The following HDAC9 variants were observed in gnomAD, a reference collection of about 807,000 sequenced individuals.
HDAC9 encodes histone deacetylase 9, also known as MEF-2 interacting transcription repressor (MITR) protein.
Under a neutral mutation model 139.4 loss-of-function variants are expected in HDAC9, and 41 were observed. That is an observed-to-expected ratio of 0.29 (90% CI 0.23 to 0.38). HDAC9 has a LOEUF of 0.38. Among genes scored for constraint, HDAC9 ranks in the 10% least tolerant of loss-of-function variants. The probability of loss-of-function intolerance (pLI) is 1.00; values close to 1 mark genes in which losing one functional copy is unlikely to be tolerated. For missense variants in HDAC9, 1,147 were observed against 1,297.0 expected, an observed-to-expected ratio of 0.88 and a Z score of 1.78; for synonymous variants, 517 against 476.2, an observed-to-expected ratio of 1.09 and a Z score of -1.12.
rs566346764 is a variant in HDAC9 at position 18,440,934 on chromosome 7, T to G, written c.-41-55328T>G. Among the ~76,000 whole-genome samples, 17 of 152,340 alleles carry G rather than the reference T, an allele frequency of 1.1e-4. No homozygotes were observed. In the South Asian group the frequency reaches 3.5e-3, roughly 32 times the overall value. ...TCCAGTCTTTCATATTAATGTTTTGTAAGCCAAGAGTTAATGATATTAACT... is the reference window on the plus strand; with the variant it reads ...TCCAGTCTTTCATATTAATGTTTTGGAAGCCAAGAGTTAATGATATTAACT... On this transcript the variant is annotated intron_variant, in intron 1 of 3. Transcript: ENST00000413509.
At chr7:18,790,072 C>G (rs1371284293) in intron 16 of HDAC9, among the ~76,000 whole-genome samples, 2 of 152,126 alleles carry the variant, frequency 1.3e-5, no homozygotes, top group African/African-American at 4.8e-5. Context: ...GTTATGTATC[C>G]TGTTTTATCA....
At chr7:18,533,825 T>A (rs1291764754) in intron 2 of HDAC9, among the ~76,000 whole-genome samples, 1 of 152,166 alleles carries the variant, frequency 6.6e-6, no homozygotes, top group Non-Finnish European at 1.5e-5. Context: ...CTGATTAGAG[T>A]CTAATTGTAT....
intron 1 of HDAC9, among the ~76,000 whole-genome samples, chr7:18,309,460 T>A (rs552466276): frequency 6.6e-6 from 1 of 152,266 alleles, no homozygotes; most frequent in African/African-American, 2.4e-5. Flanking sequence ...ATTGCAGTAT[T>A]TTGTGAGTTA....
intron 21 of HDAC9, among the ~76,000 whole-genome samples, chr7:18,855,226 T>C (rs963221246): frequency 6.6e-6 from 1 of 152,018 alleles, no homozygotes; most frequent in African/African-American, 2.4e-5. Context: ...TACACTAAAT[T>C]ACGTGCAGCA....
chr7:18,099,334 G>C (rs1178092948), intron 1 of HDAC9, among the ~76,000 whole-genome samples: 2 of 152,066 alleles, frequency 1.3e-5, no homozygotes, highest in Non-Finnish European at 2.9e-5. Context: ...TGGGTGCGGT[G>C]GTGGGCACCT....
chr7:18,783,701 C>A, intron 16 of HDAC9, among the ~76,000 whole-genome samples: 1 of 141,758 alleles, frequency 7.1e-6, no homozygotes, highest in African/African-American at 2.6e-5. Context: ...TTAGAATTTT[C>A]AAACTTTGTG....
chr7:18,717,618 A>T (rs1462599581), intron 12 of HDAC9, among the ~76,000 whole-genome samples: 1 of 151,916 alleles, frequency 6.6e-6, no homozygotes, highest in African/African-American at 2.4e-5. Context: ...TTTAGTGGAG[A>T]TGGGATTTCC....
chr7:18,789,961 G>A (rs1003833159), intron 16 of HDAC9, among the ~76,000 whole-genome samples: 2 of 152,128 alleles, frequency 1.3e-5, no homozygotes, highest in African/African-American at 4.8e-5. Context: ...GACAACCAAT[G>A]AGAGGGACAA....
chr7:18,736,172 A>G (rs1157249658), intron 13 of HDAC9, among the ~76,000 whole-genome samples: 5 of 152,220 alleles, frequency 3.3e-5, no homozygotes, highest in African/African-American at 9.6e-5. Flanking sequence ...CAATCATGTC[A>G]TCTGCAAACA....
intron 16 of HDAC9, among the ~76,000 whole-genome samples, chr7:18,787,738 G>A (rs898758505): frequency 6.6e-6 from 1 of 152,106 alleles, no homozygotes; most frequent in Non-Finnish European, 1.5e-5. Context: ...CTGCCATTTG[G>A]CAAAATAAAT....
chr7:18,830,219 G>T (rs1463384135), intron 19 of HDAC9, among the ~76,000 whole-genome samples: 4 of 152,144 alleles, frequency 2.6e-5, no homozygotes, highest in Admixed American at 2.6e-4. Flanking sequence ...CTGGAGATCT[G>T]GAGATCTGCC....
At chr7:18,575,847 A>T (rs1225587725) in intron 2 of HDAC9, among the ~76,000 whole-genome samples, 2 of 152,202 alleles carry the variant, frequency 1.3e-5, no homozygotes, top group East Asian at 3.9e-4. Flanking sequence ...TCATTCATTC[A>T]TTCATTCACA....
chr7:18,466,236 G>C (rs950940641), intron 1 of HDAC9, among the ~76,000 whole-genome samples: 2 of 152,088 alleles, frequency 1.3e-5, no homozygotes, highest in Non-Finnish European at 2.9e-5. Flanking sequence ...TCACTCTCTT[G>C]CCCAGGCTAG....
chr7:18,861,916 ATTTG>A (rs776303880), intron 21 of HDAC9, among the ~76,000 whole-genome samples: 4 of 152,150 alleles, frequency 2.6e-5, no homozygotes, highest in South Asian at 2.1e-4. Flanking sequence ...TATATGTGCT[ATTTG>A]TTTGTAGCTT....
intron 2 of HDAC9, among the ~76,000 whole-genome samples, chr7:18,244,994 C>CATCTATCTATCTATCTATCT (rs1554342548): frequency 3.6e-4 from 54 of 148,060 alleles, no homozygotes; most frequent in African/African-American, 1.1e-3. Flanking sequence ...ATCTAATCTG[C>CATCTATCTATCTATCTATCT]ATCTATCTAT....
At chr7:18,221,765 A>G (rs966440537) in intron 2 of HDAC9, among the ~76,000 whole-genome samples, 2 of 152,128 alleles carry the variant, frequency 1.3e-5, no homozygotes, top group Non-Finnish European at 2.9e-5. Context: ...CCTCAGAGGA[A>G]TCCAACTTGA....
chr7:18,090,950 C>T (rs1372117631), intron 1 of HDAC9, among the ~76,000 whole-genome samples: 4 of 152,090 alleles, frequency 2.6e-5, no homozygotes, highest in Admixed American at 2.6e-4. Context: ...AGGATAATTG[C>T]CCACATGATT....
chr7:18,426,412 A>G (rs1186298427), intron 1 of HDAC9, among the ~76,000 whole-genome samples: 2 of 152,222 alleles, frequency 1.3e-5, no homozygotes, highest in African/African-American at 2.4e-5. Context: ...TACAATAACA[A>G]TGATACTTAA....
intron 16 of HDAC9, among the ~76,000 whole-genome samples, chr7:18,790,490 C>T (rs1435752889): frequency 1.3e-5 from 2 of 152,144 alleles, no homozygotes; most frequent in African/African-American, 4.8e-5. Flanking sequence ...GCACCTTTAT[C>T]TTGAACTTCA....
Sources: gnomAD v4.1 joint callset for allele counts (sites outside exome capture counted in the v4.1 genomes callset) on GRCh38, gnomAD v4.1.1 for gene constraint, MANE v1.5 for transcripts, NCBI Gene and HGNC (gene_info 2026-07-23, HGNC 2026-07-21) for gene names.